ABI3BP: variants seen among roughly 807,000 people sequenced by gnomAD.
ABI3BP encodes target of Nesh-SH3.
In ABI3BP, 216 loss-of-function variants were observed where a neutral mutation model predicts 268.6. That is an observed-to-expected ratio of 0.80 (90% confidence interval 0.72 to 0.90). ABI3BP has a LOEUF of 0.90. Ranked by LOEUF, ABI3BP falls within the 40% of genes least tolerant of loss-of-function variation. The pLI is 0.00. For missense variants in ABI3BP, 2,090 were observed against 2,182.4 expected (o/e 0.96, Z 0.84); for synonymous variants, 730 against 730.0 (o/e 1.00, Z 0.00).
Position 100,749,213 on chromosome 3 carries a change from C to CAA in ABI3BP, c.*1280_*1281dup, listed in dbSNP as rs1553707096. Reference sequence around the variant, plus strand: ...ATGAAAGGTTAATTTAGGACATAAACAAACAGTAGATATAATGGGGGTTGG... The same window carrying CAA: ...ATGAAAGGTTAATTTAGGACATAAACAAAAACAGTAGATATAATGGGGGTTGG... On this transcript the variant is annotated 3_prime_UTR_variant, in exon 68 of 68. Transcript: ENST00000471714. 2.8e-5 allele frequency: 1 copy of CAA among 35,788 alleles called. No homozygotes were observed. The highest frequency in any genetic ancestry group is 1.1e-4 in the African/African-American group (1 of 9,252). 2.2% of individuals were successfully genotyped at this position (35,788 alleles called of 1,614,324 possible).
At chr3:100,820,172 C>T (rs975602319) in intron 40 of ABI3BP, 48 bp downstream of exon 40, 2 of 1,449,488 alleles carry the variant, frequency 1.4e-6, no homozygotes, top group African/African-American at 2.8e-5. Flanking sequence ...GTTATAAATT[C>T]CTGAGAGCAG....
At chr3:100,940,805 T>TAG (rs2068718539) in intron 1 of ABI3BP, among the ~76,000 whole-genome samples, 1 of 58,896 alleles carries the variant, frequency 1.7e-5, no homozygotes, top group African/African-American at 6.2e-5. Context: ...TATATATATA[T>TAG]ATATATATAT....
At chr3:100,754,798 A>T (rs140946896) in intron 63 of ABI3BP, 107 bp from the exon 64 acceptor site, 61 of 867,308 alleles carry the variant, frequency 7.0e-5, no homozygotes, top group Middle Eastern at 2.2e-4. Flanking sequence ...CTTTGAAATT[A>T]TGACAGTGAA....
Position 100,834,672 on chromosome 3 carries a change from C to T in ABI3BP, c.2281+12G>A. The T allele has an allele frequency of 1.3e-6, 2 of 1,534,780 alleles. No individual in the cohort carries two copies. Among genetic ancestry groups the T allele is most frequent in the East Asian group, 4.9e-5 (2 of 40,890 alleles). ...GGGATGCCACAGGGACAAGGAACCACATATTATTTACCTAGTTTGGTCTGC... is the reference window on the plus strand; with the variant it reads ...GGGATGCCACAGGGACAAGGAACCATATATTATTTACCTAGTTTGGTCTGC... On this transcript the variant is annotated intron_variant, in intron 29 of 67. Transcript: ENST00000471714.
At chr3:100,966,231 C>A (rs1321214272) in intron 1 of ABI3BP, among the ~76,000 whole-genome samples, 2 of 152,216 alleles carry the variant, frequency 1.3e-5, no homozygotes, top group African/African-American at 4.8e-5. Context: ...CAGGCAAGAG[C>A]TCTGTTATCA....
intron 61 of ABI3BP, among the ~76,000 whole-genome samples, chr3:100,771,383 C>G (rs1205619800): frequency 1.3e-5 from 2 of 151,338 alleles, no homozygotes; most frequent in Non-Finnish European, 2.9e-5. Flanking sequence ...CAAGAATAAT[C>G]TAGGAATAAT....
chr3:100,955,114 C>T (rs1190538177), intron 1 of ABI3BP, among the ~76,000 whole-genome samples: 2 of 150,560 alleles, frequency 1.3e-5, no homozygotes, highest in African/African-American at 4.9e-5. Context: ...GCACATGTGT[C>T]ATCAGACAGA....
chr3:100,941,309 TAA>T (rs1176264363), intron 1 of ABI3BP, among the ~76,000 whole-genome samples: 1 of 151,884 alleles, frequency 6.6e-6, no homozygotes, highest in Non-Finnish European at 1.5e-5. Flanking sequence ...TTCAGGAAAT[TAA>T]AAGTCTCAGT....
chr3:100,846,604 A>G (rs368940119), intron 19 of ABI3BP, 158 bp from the exon 20 acceptor site: 8 of 531,478 alleles, frequency 1.5e-5, no homozygotes, highest in East Asian at 8.9e-5. Flanking sequence ...AGAATATTTC[A>G]TGATCCATTC....
At chr3:100,830,704 C>T in intron 31 of ABI3BP, 70 bp from the exon 32 acceptor site, 1 of 1,307,436 alleles carries the variant, frequency 7.6e-7, no homozygotes, top group Non-Finnish European at 1.0e-6. Flanking sequence ...ATTCATCTTA[C>T]CACCAAAAAT....
At chr3:100,927,015 C>T (rs1384993438) in intron 1 of ABI3BP, among the ~76,000 whole-genome samples, 1 of 152,010 alleles carries the variant, frequency 6.6e-6, no homozygotes, top group Non-Finnish European at 1.5e-5. Context: ...ATGATTAGTT[C>T]CATTGGGAGT....
intron 1 of ABI3BP, among the ~76,000 whole-genome samples, chr3:100,992,020 C>T (rs901365945): frequency 6.6e-6 from 1 of 152,172 alleles, no homozygotes; most frequent in Non-Finnish European, 1.5e-5. Context: ...TTAGTAGGTA[C>T]AATTAACTCT....
At chr3:100,914,770 A>G (rs2153578008) in intron 2 of ABI3BP, among the ~76,000 whole-genome samples, 1 of 152,288 alleles carries the variant, frequency 6.6e-6, no homozygotes, top group East Asian at 1.9e-4. Flanking sequence ...TGTACTCCCA[A>G]TGGCTCTGCC....
At chr3:100,774,507 C>T (rs1577221953) in intron 61 of ABI3BP, 98 bp downstream of exon 61, 1 of 863,252 alleles carries the variant, frequency 1.2e-6, no homozygotes, top group Non-Finnish European at 1.8e-6. Context: ...TTATAATAGG[C>T]TACTAAGATT....
intron 46 of ABI3BP, among the ~76,000 whole-genome samples, chr3:100,812,103 A>G (rs1206554585): frequency 6.6e-6 from 1 of 152,078 alleles, no homozygotes; most frequent in Non-Finnish European, 1.5e-5. Flanking sequence ...TTTTCGTATA[A>G]GAATTCCAGT....
chr3:100,910,546 T>TA (rs1397748061), intron 2 of ABI3BP, among the ~76,000 whole-genome samples: 22 of 151,390 alleles, frequency 1.5e-4, no homozygotes, highest in Admixed American at 2.6e-4. Flanking sequence ...TCCTTTTTTT[T>TA]TAAAAAAAAA....
At chr3:100,847,504 G>A (rs2098784235) in intron 19 of ABI3BP, 98 bp downstream of exon 19, 1 of 1,036,970 alleles carries the variant, frequency 9.6e-7, no homozygotes, top group South Asian at 1.3e-5. Context: ...ACCGTTTTGA[G>A]TATCTTAACA....
At chr3:100,884,872 G>C (rs777529740) in intron 6 of ABI3BP, among the ~76,000 whole-genome samples, 2 of 152,072 alleles carry the variant, frequency 1.3e-5, no homozygotes, top group Admixed American at 1.3e-4. Context: ...TTTGAAATGC[G>C]AACATGTCTG....
chr3:100,968,792 A>C (rs1036874181), intron 1 of ABI3BP, among the ~76,000 whole-genome samples: 6 of 152,068 alleles, frequency 3.9e-5, no homozygotes, highest in Admixed American at 3.3e-4. Context: ...TGCACCCATC[A>C]ACCCGTCATC....
Sources: gnomAD v4.1 joint callset for allele counts (sites outside exome capture counted in the v4.1 genomes callset) on GRCh38, gnomAD v4.1.1 for gene constraint, MANE v1.5 for transcripts, NCBI Gene and HGNC (gene_info 2026-07-23, HGNC 2026-07-21) for gene names.